Variants in ENPP1 observed in about 807,000 individuals in gnomAD.
ENPP1 encodes the protein ectonucleotide pyrophosphatase/phosphodiesterase 1, also known as ectonucleotide pyrophosphatase/phosphodiesterase family member 1.
A neutral mutation model predicts 122.8 loss-of-function variants in ENPP1; 73 were observed. The ratio of observed to expected loss-of-function variants is 0.59; its 90% CI spans 0.49 to 0.72. The LOEUF is 0.72. ENPP1 is among the 30% of genes least tolerant of loss of function. The probability of loss-of-function intolerance (pLI) is 0.00; values close to 1 mark genes in which losing one functional copy is unlikely to be tolerated. For synonymous variants in ENPP1, 367 were observed against 391.6 expected, an observed-to-expected ratio of 0.94 and a Z score of 0.74; for missense variants, 978 against 1,128.1, an observed-to-expected ratio of 0.87 and a Z score of 1.91.
In ENPP1 at chr6:131,886,689, T is replaced by G; in HGVS notation, c.2572T>G (p.Leu858Val). The G allele has an allele frequency of 3.1e-6, 5 of 1,614,128 alleles. No individual in the cohort carries two copies. Among genetic ancestry groups the G allele is most frequent in the Non-Finnish European group, 4.2e-6 (5 of 1,179,990 alleles). ...CENLDTLAFI[L>V]PHRTDNSESC... ...AAACCTAGACACCTTAGCTTTCATTTTGCCTCACAGGACTGATAACAGCGA... is the reference window on the plus strand; with the variant it reads ...AAACCTAGACACCTTAGCTTTCATTGTGCCTCACAGGACTGATAACAGCGA... Residue 858 changes from leucine to valine, a missense_variant, in exon 24 of 25, where the codon TTG becomes GTG. By Grantham distance (32) the Leu-to-Val change is conservative. Transcript: ENST00000647893.
intron 8 of ENPP1, 99 bp downstream of exon 8, chr6:131,860,605 C>A: frequency 1.1e-6 from 1 of 887,530 alleles, no homozygotes; most frequent in Non-Finnish European, 1.8e-6. Flanking sequence ...TAACTGATTT[C>A]ATTTAGTGTG....
At position 131,817,835 on chromosome 6, in the gene ENPP1, A is replaced by C. The variant is rs539597396; in HGVS notation, c.240+9560A>C. 7.8e-4 allele frequency among the ~76,000 whole-genome samples: 118 copies of C among 152,028 alleles called. No homozygotes were observed. The South Asian group carries it at 0.024, about 31-fold the overall frequency. ...TTTTATATATATGTATAATATGCAT[A>C]AGAAAATCATTTTGGAGGAAGTAAA... On this transcript the variant is annotated intron_variant, in intron 1 of 24. Transcript: ENST00000647893.
chr6:131,872,800 G>A (rs1782178707), intron 14 of ENPP1, 123 bp from the exon 15 acceptor site: 1 of 987,218 alleles, frequency 1.0e-6, no homozygotes, highest in Non-Finnish European at 1.5e-6. Context: ...TTCAAGAAAA[G>A]TTGACACTTT....
intron 17 of ENPP1, among the ~76,000 whole-genome samples, chr6:131,876,129 G>T (rs1782228120): frequency 6.6e-6 from 1 of 152,194 alleles, no homozygotes; most frequent in African/African-American, 2.4e-5. Context: ...CCAGCACTTT[G>T]CTAGGCCCTC....
Position 131,860,818 on chromosome 6 carries a change from T to G in ENPP1, c.915+312T>G, listed in dbSNP as rs146293922. Among the ~76,000 whole-genome samples, 399 of 152,296 alleles carry G rather than the reference T, an allele frequency of 2.6e-3. 3 individuals carry two copies. The highest frequency in any genetic ancestry group is 4.1e-3 in the Non-Finnish European group (278 of 68,028). ...TAGCTTTGATCTACACAAAACTACGTTGTTTTTGAACGTCTTGGTTTTATT... is the reference window on the plus strand; with the variant it reads ...TAGCTTTGATCTACACAAAACTACGGTGTTTTTGAACGTCTTGGTTTTATT... On this transcript the variant is annotated intron_variant, in intron 8 of 24. Coordinates refer to ENST00000647893, the MANE Select transcript of ENPP1 (RefSeq NM_006208.3).
rs145604800 is a variant in ENPP1 at position 131,870,905 on chromosome 6, G to A, written c.1406-1165G>A. On this transcript the variant is annotated intron_variant, in intron 13 of 24. Transcript: ENST00000647893. ...CATCCTGGCCAACGTGGTGAAACCCGTCTCTATGAAAAATACAAAAATTAT... is the reference window on the plus strand; with the variant it reads ...CATCCTGGCCAACGTGGTGAAACCCATCTCTATGAAAAATACAAAAATTAT... 2.9e-3 allele frequency among the ~76,000 whole-genome samples: 443 copies of A among 152,182 alleles called. 1 individual carries two copies. The highest frequency in any genetic ancestry group is 9.9e-3 in the African/African-American group (412 of 41,526).
chr6:131,831,996 A>G (rs1333706232), intron 1 of ENPP1, among the ~76,000 whole-genome samples: 1 of 151,926 alleles, frequency 6.6e-6, no homozygotes, highest in Non-Finnish European at 1.5e-5. Context: ...TGTCTATTTT[A>G]TACTTTGAAT....
In ENPP1 at chr6:131,890,721, G is replaced by A. The variant is rs1046808416; in HGVS notation, c.*210G>A. ...ATCTTGCACATATTTGAATGTGTAA[G>A]CATTGTATACATTGATCAAGTTCGG... is the stretch of plus-strand genomic sequence containing the variant. On this transcript the variant is annotated 3_prime_UTR_variant, in exon 25 of 25. Coordinates refer to ENST00000647893, the MANE Select transcript of ENPP1 (RefSeq NM_006208.3). 1.7e-6 allele frequency: 1 copy of A among 591,746 alleles called. No homozygotes were observed. The highest frequency in any genetic ancestry group is 3.0e-6 in the Non-Finnish European group (1 of 333,024). The allele number at this position is 591,746 out of a possible 1,614,324, so 36.7% of individuals were successfully genotyped here.
At chr6:131,819,410 G>A (rs1781456603) in intron 1 of ENPP1, among the ~76,000 whole-genome samples, 1 of 152,200 alleles carries the variant, frequency 6.6e-6, no homozygotes, top group South Asian at 2.1e-4. Context: ...CCAATGAACA[G>A]TATTTCAGAA....
At chr6:131,833,313 A>C (rs900092092) in intron 1 of ENPP1, among the ~76,000 whole-genome samples, 1 of 152,038 alleles carries the variant, frequency 6.6e-6, no homozygotes, top group African/African-American at 2.4e-5. Flanking sequence ...AATGAAAATG[A>C]ATGTTTTATA....
In ENPP1 at chr6:131,878,582, C is replaced by T; in HGVS notation, c.1934C>T (p.Thr645Ile). ...IEDFQTQFNL[T>I]VAEEKIIKHE... ...GATTTTCAAACACAGTTCAATCTGA[C>T]TGTGGCAGAAGGTAAGGCATGCTAC... Residue 645 changes from threonine to isoleucine, a missense_variant, in exon 19 of 25, where the codon ACT becomes ATT. Transcript: ENST00000647893. 1 of 1,612,652 alleles carries T rather than the reference C, an allele frequency of 6.2e-7. No individual in the cohort carries two copies. The highest frequency in any genetic ancestry group is 8.5e-7 in the Non-Finnish European group (1 of 1,178,844).
chr6:131,827,918 AG>A (rs1781565201), intron 1 of ENPP1: 1 of 1,181,570 alleles, frequency 8.5e-7, no homozygotes, highest in Non-Finnish European at 1.3e-6. Context: ...GACAGGGTGC[AG>A]GTGGTCCGTG....
chr6:131,894,376 C>T lies in ENPP1; in HGVS notation c.*3865C>T, dbSNP rs1156565012. 6.6e-5 allele frequency: 10 copies of T among 152,178 alleles called. No individual in the cohort carries two copies. The highest frequency in any genetic ancestry group is 6.6e-4 in the Admixed American group (10 of 15,246). The allele number at this position is 152,178 out of a possible 1,614,324, so 9.4% of individuals were successfully genotyped here. A position where few individuals can be genotyped will look rare whatever the true frequency, so the allele number is the denominator to read the frequency against. On this transcript the variant is annotated 3_prime_UTR_variant, in exon 25 of 25. Transcript: ENST00000647893. ...TCTCGGCTCACTGCAACCTCCACCT[C>T]CGGGGTTCTAGCAATTCTCCTGCCT...
At chr6:131,825,223 C>T (rs1262362522) in intron 1 of ENPP1, among the ~76,000 whole-genome samples, 1 of 152,040 alleles carries the variant, frequency 6.6e-6, no homozygotes, top group Non-Finnish European at 1.5e-5. Flanking sequence ...ATCAACGGGA[C>T]CCTGAAAACT....
intron 13 of ENPP1, among the ~76,000 whole-genome samples, chr6:131,870,330 A>G (rs1273983183): frequency 1.3e-5 from 2 of 152,218 alleles, no homozygotes; most frequent in Non-Finnish European, 2.9e-5. Context: ...TGAATTTCAC[A>G]TCTCTTGACC....
chr6:131,811,090 C>T (rs1781343869), intron 1 of ENPP1, among the ~76,000 whole-genome samples: 2 of 152,210 alleles, frequency 1.3e-5, no homozygotes, highest in Admixed American at 6.5e-5. Flanking sequence ...GTGTAGACTT[C>T]CACCGAGATG....
At chr6:131,832,174 GT>G (rs372663986) in intron 1 of ENPP1, among the ~76,000 whole-genome samples, 87 of 145,012 alleles carry the variant, frequency 6.0e-4, no homozygotes, top group African/African-American at 1.8e-3. Flanking sequence ...CTCTTGACTT[GT>G]TTTTTTTTTT....
At chr6:131,816,965 G>A (rs1781421705) in intron 1 of ENPP1, among the ~76,000 whole-genome samples, 1 of 152,146 alleles carries the variant, frequency 6.6e-6, no homozygotes, top group African/African-American at 2.4e-5. Context: ...CACCTGGGAA[G>A]TGTTAAAGAC....
At position 131,855,041 on chromosome 6, in the gene ENPP1, T is replaced by C. The variant is rs778778246; in HGVS notation, c.715+18T>C. The C allele has an allele frequency of 5.4e-6, 8 of 1,490,448 alleles. No individual in the cohort carries two copies. Among genetic ancestry groups the C allele is most frequent in the South Asian group, 1.1e-5 (1 of 88,644 alleles). The allele number at this position is 1,490,448 out of a possible 1,614,324, so 92.3% of individuals were successfully genotyped here. ...CAAACTAAGTGAGTAACTTCAGAGT[T>C]TACTGCTGGAATATCACCATTTCAG... On this transcript the variant is annotated intron_variant, in intron 6 of 24. Transcript: ENST00000647893.
Sources: allele counts gnomAD v4.1 joint callset (sites outside exome capture counted in the v4.1 genomes callset), GRCh38; gene constraint gnomAD v4.1.1; transcripts MANE v1.5; gene names NCBI Gene and HGNC (gene_info 2026-07-23, HGNC 2026-07-21).